The following ANKRD42 variants were observed in gnomAD, a reference collection of about 807,000 sequenced individuals.
The protein encoded by ANKRD42 is ankyrin repeat domain 42, also known as ankyrin repeat domain-containing protein 42.
Under a neutral mutation model 51.5 loss-of-function variants are expected in ANKRD42, and 43 were observed. The observed-to-expected ratio is 0.83, with a 90% CI of 0.65 to 1.08. The LOEUF (loss-of-function observed/expected upper bound fraction) is 1.08. Ranked by LOEUF, ANKRD42 falls within the 50% of genes least tolerant of loss-of-function variation. The probability of loss-of-function intolerance (pLI) is 0.00; values close to 1 mark genes in which losing one functional copy is unlikely to be tolerated. For missense variants in ANKRD42, 608 were observed against 629.3 expected (o/e 0.97, Z 0.36); for synonymous variants, 203 against 213.0 (o/e 0.95, Z 0.41).
chr11:83,251,858 C>T (rs150322191), downstream of ANKRD42, among the ~76,000 whole-genome samples: 1 of 152,162 alleles, frequency 6.6e-6, no homozygotes, highest in East Asian at 1.9e-4. Flanking sequence ...TAAAATATAA[C>T]GTAGGATATC....
intron 9 of ANKRD42, among the ~76,000 whole-genome samples, chr11:83,241,639 C>CAGGG (rs1404603369): frequency 6.6e-6 from 1 of 152,248 alleles, no homozygotes; most frequent in East Asian, 1.9e-4. Context: ...GAAAGGTAAG[C>CAGGG]AGGGACCCAG....
chr11:83,212,239 G>T (rs535605658), intron 5 of ANKRD42, among the ~76,000 whole-genome samples: 1 of 151,888 alleles, frequency 6.6e-6, no homozygotes, highest in South Asian at 2.1e-4. Context: ...CTGCCACCAC[G>T]CCTGGCTACT....
rs1591001873 is a variant in ANKRD42, at chr11:83,236,456, A to G, written c.966A>G (p.Ala322=). The G allele has an allele frequency of 1.2e-6, 2 of 1,612,546 alleles. No individual in the cohort carries two copies. Among genetic ancestry groups the G allele is most frequent in the Non-Finnish European group, 1.7e-6 (2 of 1,179,476 alleles). Residue 322 remains alanine (A), a synonymous_variant, in exon 8 of 11, where the codon GCA becomes GCG. Transcript: ENST00000533342. The stretch of plus-strand genomic sequence containing the variant: ...TGCAGTGGTTAATTAAAATGGGAGC[A>G]GACAGTAATATTACCAACAAAGCAG... ...ECLQWLIKMG[A]DSNITNKAGE...
At chr11:83,206,262 T>A (rs1862069515) in intron 3 of ANKRD42, 97 bp downstream of exon 3, 5 of 1,025,412 alleles carry the variant, frequency 4.9e-6, no homozygotes, top group African/African-American at 1.6e-5. Context: ...TAGATTTAGT[T>A]TTATGTTCTA....
chr11:83,211,338 A>T lies in ANKRD42; in HGVS notation c.494A>T (p.Tyr165Phe), dbSNP rs147507852. ...AAGAGAGAATGGAGACCTGTGCATT[A>T]TGCAGCTTTTCATGGGCGGCTTGGC... ...TDKREWRPVHYAAFHGRLGCL... is the reference protein window; with the variant it reads ...TDKREWRPVHFAAFHGRLGCL... Residue 165 changes from tyrosine to phenylalanine, a missense_variant, in exon 5 of 11, where the codon TAT becomes TTT. Coordinates refer to ENST00000533342, the MANE Select transcript of ANKRD42 (RefSeq NM_001300975.2). The T allele has an allele frequency of 5.0e-6, 8 of 1,614,220 alleles. No homozygotes were observed. In the African/African-American group the frequency reaches 8.0e-5, roughly 16 times the overall value.
chr11:83,236,422 T>TAA lies in ANKRD42; in HGVS notation c.933_934insAA (p.Glu312LysfsTer7), dbSNP rs1863224548. 1.9e-6 allele frequency: 3 copies of TAA among 1,610,782 alleles called. No homozygotes were observed. In the African/African-American group the frequency reaches 4.0e-5, roughly 21 times the overall value. On this transcript the variant is annotated frameshift_variant, in exon 8 of 11. Coordinates refer to ENST00000533342, the MANE Select transcript of ANKRD42 (RefSeq NM_001300975.2). LOFTEE classifies it high-confidence loss of function. ...TGAACAGCTGCTGGACAAGGCCACATAGAGTGTTTGCAGTGGTTAATTAAA... is the reference window on the plus strand; with the variant it reads ...TGAACAGCTGCTGGACAAGGCCACATAAAGAGTGTTTGCAGTGGTTAATTAAA...
intron 8 of ANKRD42, among the ~76,000 whole-genome samples, chr11:83,239,027 T>C (rs1863308428): frequency 6.6e-6 from 1 of 152,016 alleles, no homozygotes; most frequent in African/African-American, 2.4e-5. Context: ...TTTGCATTTC[T>C]GTCAGCAATG....
At chr11:83,204,904 A>C (rs1862011251) in intron 2 of ANKRD42, among the ~76,000 whole-genome samples, 2 of 152,226 alleles carry the variant, frequency 1.3e-5, no homozygotes, top group South Asian at 4.1e-4. Flanking sequence ...TAAACATATG[A>C]AAAGATGTTC....
At chr11:83,239,191 A>G (rs1189399313) in intron 8 of ANKRD42, among the ~76,000 whole-genome samples, 1 of 152,188 alleles carries the variant, frequency 6.6e-6, no homozygotes, top group East Asian at 1.9e-4. Flanking sequence ...TCTTTTAAAT[A>G]TACATACTTG....
downstream of ANKRD42, chr11:83,258,980 C>G (rs1255500699): frequency 1.3e-5 from 2 of 152,088 alleles, no homozygotes; most frequent in Non-Finnish European, 2.9e-5. Context: ...CTTCTTACCA[C>G]TCATAGAAAA....
intron 7 of ANKRD42, among the ~76,000 whole-genome samples, chr11:83,235,460 A>G (rs1405678174): frequency 6.6e-6 from 1 of 152,248 alleles, no homozygotes; most frequent in Non-Finnish European, 1.5e-5. Flanking sequence ...TAGAGAAGTC[A>G]GGTGGCTTGA....
At chr11:83,209,694 C>T (rs1862230804) in intron 3 of ANKRD42, 2 of 725,530 alleles carry the variant, frequency 2.8e-6, no homozygotes, top group Non-Finnish European at 2.5e-6. Context: ...TACTTCCTAA[C>T]ATCTTTCTGA....
Position 83,194,293 on chromosome 11 carries a change from G to A in ANKRD42, c.-378G>A. Reference sequence around the variant, plus strand: ...GGACCCGCGAACTAGTGACTTCGGGGATAGAGTCAGTGACGATCGCAGTCG... The same window carrying A: ...GGACCCGCGAACTAGTGACTTCGGGAATAGAGTCAGTGACGATCGCAGTCG... On this transcript the variant is annotated 5_prime_UTR_variant, in exon 1 of 11. Transcript: ENST00000533342. 1 of 489,606 alleles carries A rather than the reference G, an allele frequency of 2.0e-6. No homozygotes were observed. Among genetic ancestry groups the A allele is most frequent in the South Asian group, 1.5e-5 (1 of 64,826 alleles). 30.3% of individuals were successfully genotyped at this position (489,606 alleles called of 1,614,324 possible).
intron 1 of ANKRD42, 64 bp from the exon 2 acceptor site, chr11:83,198,415 T>G: frequency 6.7e-7 from 1 of 1,487,486 alleles, no homozygotes; most frequent in African/African-American, 1.4e-5. Flanking sequence ...TATATCACTG[T>G]TTTAGTCTTT....
At chr11:83,232,922 G>C (rs1185546688) in intron 7 of ANKRD42, among the ~76,000 whole-genome samples, 1 of 152,070 alleles carries the variant, frequency 6.6e-6, no homozygotes, top group Non-Finnish European at 1.5e-5. Flanking sequence ...GTATCGCAGA[G>C]GTAAATCCCA....
At chr11:83,245,425 A>C in intron 9 of ANKRD42, 73 bp from the exon 10 acceptor site, 1 of 1,467,172 alleles carries the variant, frequency 6.8e-7, no homozygotes, top group Admixed American at 2.2e-5. Context: ...AATATGCTCA[A>C]GAATACCAGC....
intron 9 of ANKRD42, among the ~76,000 whole-genome samples, chr11:83,242,567 G>GTTTTTTTTTTTTTTGTTTTTTTTT (rs1863421661): frequency 8.7e-6 from 1 of 115,546 alleles, no homozygotes; most frequent in African/African-American, 3.5e-5. Context: ...TGGTAGTTAA[G>GTTTTTTTTTTTTTTGTTTTTTTTT]TTTTTTTTTT....
chr11:83,206,249 C>T, intron 3 of ANKRD42, 84 bp downstream of exon 3: 1 of 1,134,506 alleles, frequency 8.8e-7, no homozygotes, highest in Non-Finnish European at 1.3e-6. Context: ...TTATTTGACT[C>T]AATAGATTTA....
chr11:83,231,204 C>T (rs950010159), intron 7 of ANKRD42, among the ~76,000 whole-genome samples: 1 of 152,218 alleles, frequency 6.6e-6, no homozygotes, highest in Non-Finnish European at 1.5e-5. Context: ...CTTTTCTCCA[C>T]ATCCTCACCA....
Sources: gnomAD v4.1 joint callset for allele counts (sites outside exome capture counted in the v4.1 genomes callset) on GRCh38, gnomAD v4.1.1 for gene constraint, MANE v1.5 for transcripts, NCBI Gene and HGNC (gene_info 2026-07-23, HGNC 2026-07-21) for gene names.